Variants in KCNQ1OT1 observed in about 807,000 individuals in gnomAD.
KCNQ1OT1 encodes the protein KCNQ1 antisense RNA 2 (non-protein coding).
chr11:2,651,775 T>G lies in KCNQ1OT1; in HGVS notation n.48220A>C. ...TGGAAATTCCTCAAGTGTTGACCAT[T>G]TTGATTCCTGGGCCCCTTAAGAGTC... On this transcript the variant is annotated non_coding_transcript_exon_variant, in exon 1 of 1. Transcript: ENST00000597346. The surrounding 1 kb of genome is among the most constrained non-coding windows in gnomAD (Gnocchi z 6.1). 2.5e-6 allele frequency: 1 copy of G among 398,644 alleles called. No individual in the cohort carries two copies. Among genetic ancestry groups the G allele is most frequent in the Non-Finnish European group, 4.4e-6 (1 of 226,084 alleles). 24.7% of individuals were successfully genotyped at this position (398,644 alleles called of 1,614,324 possible). A position where few individuals can be genotyped will look rare whatever the true frequency, so the allele number is the denominator to read the frequency against.
chr11:2,608,875 C>T lies in KCNQ1OT1; in HGVS notation n.91120G>A, dbSNP rs1258731695. 1.3e-5 allele frequency: 5 copies of T among 398,228 alleles called. No homozygotes were observed. Among genetic ancestry groups the T allele is most frequent in the Non-Finnish European group, 1.8e-5 (4 of 226,014 alleles). The allele number at this position is 398,228 out of a possible 1,614,324, so 24.7% of individuals were successfully genotyped here. On this transcript the variant is annotated non_coding_transcript_exon_variant, in exon 1 of 1. Coordinates refer to ENST00000597346, the Ensembl canonical transcript of KCNQ1OT1. The surrounding 1 kb of genome is among the most constrained non-coding windows in gnomAD (Gnocchi z 4.6). ...TCTCTCTCCCCCTTTGCCTCATGCA[C>T]TTCCCTCTCTGTCTTTCCTCCTCCC...
chr11:2,676,250 A>G lies in KCNQ1OT1; in HGVS notation n.23745T>C. ...GATTTATTATGGTGCAGTACATCTG[A>G]GAAGCATTTTTATTGCAAAATGTGT... is the stretch of plus-strand genomic sequence containing the variant. On this transcript the variant is annotated non_coding_transcript_exon_variant, in exon 1 of 1. Transcript: ENST00000597346. The surrounding 1 kb of genome is among the most constrained non-coding windows in gnomAD (Gnocchi z 4.2). 1 of 398,654 alleles carries G rather than the reference A, an allele frequency of 2.5e-6. No individual in the cohort carries two copies. The highest frequency in any genetic ancestry group is 1.3e-4 in the South Asian group (1 of 7,860). The allele number at this position is 398,654 out of a possible 1,614,324, so 24.7% of individuals were successfully genotyped here.
chr11:2,682,956 C>A lies in KCNQ1OT1; in HGVS notation n.17039G>T. 1 of 398,550 alleles carries A rather than the reference C, an allele frequency of 2.5e-6. No homozygotes were observed. Among genetic ancestry groups the A allele is most frequent in the South Asian group, 1.3e-4 (1 of 7,834 alleles). 24.7% of individuals were successfully genotyped at this position (398,550 alleles called of 1,614,324 possible). A position where few individuals can be genotyped will look rare whatever the true frequency, so the allele number is the denominator to read the frequency against. ...CTGTGTGGAAGAAAGGACAGGAGTC[C>A]TTCTGCCACCCAGACTGTGCATTCA... On this transcript the variant is annotated non_coding_transcript_exon_variant, in exon 1 of 1. Transcript: ENST00000597346. This position sits in a 1 kb window ranked among gnomAD's most constrained non-coding sequence, Gnocchi z 5.8.
rs1189001016 is a variant in KCNQ1OT1 at position 2,690,187 on chromosome 11, G to A, written n.9808C>T. ...GATGTGGAAGGCTGGTCTCTCCAGA[G>A]ACTGGGCTAAACTCTGCTGTGTCAA... On this transcript the variant is annotated non_coding_transcript_exon_variant, in exon 1 of 1. Coordinates refer to ENST00000597346, the Ensembl canonical transcript of KCNQ1OT1. The surrounding 1 kb of genome is among the most constrained non-coding windows in gnomAD (Gnocchi z 5.1). 1 of 398,700 alleles carries A rather than the reference G, an allele frequency of 2.5e-6. No individual in the cohort carries two copies. Among genetic ancestry groups the A allele is most frequent in the Non-Finnish European group, 4.4e-6 (1 of 226,202 alleles). 24.7% of individuals were successfully genotyped at this position (398,700 alleles called of 1,614,324 possible).
At chr11:2,648,904 T>C (rs1849708776) in exon 1 of KCNQ1OT1, 1 of 398,274 alleles carries the variant, frequency 2.5e-6, no homozygotes, top group African/African-American at 2.1e-5. Flanking sequence ...TGGTTGCATA[T>C]ATAATTGTTA....
chr11:2,627,009 G>T lies in KCNQ1OT1; in HGVS notation n.72986C>A. Reference sequence around the variant, plus strand: ...TTACCTTGGATTTGTAGATTGTTTTGTGTGGTACTGACACCTTAACAATAT... The same window carrying T: ...TTACCTTGGATTTGTAGATTGTTTTTTGTGGTACTGACACCTTAACAATAT... On this transcript the variant is annotated non_coding_transcript_exon_variant, in exon 1 of 1. Transcript: ENST00000597346. The surrounding 1 kb of genome is among the most constrained non-coding windows in gnomAD (Gnocchi z 4.9). The T allele has an allele frequency of 2.5e-6, 1 of 398,534 alleles. No homozygotes were observed. The highest frequency in any genetic ancestry group is 4.4e-6 in the Non-Finnish European group (1 of 226,050). The allele number at this position is 398,534 out of a possible 1,614,324, so 24.7% of individuals were successfully genotyped here.
At chr11:2,644,439 A>G (rs1849634790) in exon 1 of KCNQ1OT1, 3 of 398,236 alleles carry the variant, frequency 7.5e-6, no homozygotes, top group East Asian at 3.6e-5. Flanking sequence ...TTCTTTTTAT[A>G]TCTATCTCTT....
chr11:2,615,809 T>C (rs766538623), exon 1 of KCNQ1OT1: 1 of 398,010 alleles, frequency 2.5e-6, no homozygotes, highest in Non-Finnish European at 4.4e-6. Context: ...ATAAAAGATT[T>C]TAGTATCTAG....
chr11:2,633,247 C>G lies in KCNQ1OT1; in HGVS notation n.66748G>C. Reference sequence around the variant, plus strand: ...AAATCAGATAATCTGGTGTTTTTTGCTGTTGAATTGTTTGAATTCCTTGTA... The same window carrying G: ...AAATCAGATAATCTGGTGTTTTTTGGTGTTGAATTGTTTGAATTCCTTGTA... On this transcript the variant is annotated non_coding_transcript_exon_variant, in exon 1 of 1. Coordinates refer to ENST00000597346, the Ensembl canonical transcript of KCNQ1OT1. 7.5e-6 allele frequency: 3 copies of G among 398,420 alleles called. No homozygotes were observed. The East Asian group carries it at 1.1e-4, about 14-fold the overall frequency. The allele number at this position is 398,420 out of a possible 1,614,324, so 24.7% of individuals were successfully genotyped here. A position where few individuals can be genotyped will look rare whatever the true frequency, so the allele number is the denominator to read the frequency against.
In KCNQ1OT1 at chr11:2,685,560, C is replaced by T. The variant is rs75643572; in HGVS notation, n.14435G>A. 23,269 of 398,652 alleles carry T rather than the reference C, an allele frequency of 0.058. 813 individuals are homozygous for T. Among genetic ancestry groups the T allele is most frequent in the Middle Eastern group, 0.099 (157 of 1,588 alleles). 24.7% of individuals were successfully genotyped at this position (398,652 alleles called of 1,614,324 possible). ...TGGGAGGATCTGCAGATGACTACAG[C>T]TCTTGGCCCTTCCATACAGCACATG... is the stretch of plus-strand genomic sequence containing the variant. On this transcript the variant is annotated non_coding_transcript_exon_variant, in exon 1 of 1. Coordinates refer to ENST00000597346, the Ensembl canonical transcript of KCNQ1OT1.
At chr11:2,686,038 G>T (rs146566065) in exon 1 of KCNQ1OT1, 39 of 399,244 alleles carry the variant, frequency 9.8e-5, no homozygotes, top group Non-Finnish European at 1.4e-4. Flanking sequence ...CCGCCAGCTC[G>T]CACCATCTGA....
Position 2,679,428 on chromosome 11 carries a change from G to C in KCNQ1OT1, n.20567C>G. The C allele has an allele frequency of 2.5e-6, 1 of 398,550 alleles. No homozygotes were observed. The highest frequency in any genetic ancestry group is 4.4e-6 in the Non-Finnish European group (1 of 226,058). The allele number at this position is 398,550 out of a possible 1,614,324, so 24.7% of individuals were successfully genotyped here. ...AATCATAAGAGTACCTTCCTCAGAG[G>C]GTTGTTAGGAGGATTACACAAATTA... On this transcript the variant is annotated non_coding_transcript_exon_variant, in exon 1 of 1. Transcript: ENST00000597346. This position sits in a 1 kb window ranked among gnomAD's most constrained non-coding sequence, Gnocchi z 4.8.
chr11:2,660,210 T>C (rs903583015), exon 1 of KCNQ1OT1: 6 of 398,284 alleles, frequency 1.5e-5, no homozygotes, highest in Non-Finnish European at 2.2e-5. Flanking sequence ...TAAGTTTGTA[T>C]GTAGTACCCT....
At chr11:2,643,458 T>C (rs373652219) in exon 1 of KCNQ1OT1, 2 of 398,354 alleles carry the variant, frequency 5.0e-6, no homozygotes, top group African/African-American at 4.1e-5. Context: ...TTTTATCTGA[T>C]GAAAGTATAG....
At chr11:2,616,769 A>G in exon 1 of KCNQ1OT1, 4 of 397,978 alleles carry the variant, frequency 1.0e-5, no homozygotes, top group Non-Finnish European at 1.8e-5. Flanking sequence ...TGATTTCTAT[A>G]TTTTAAAATT....
At chr11:2,643,288 G>T in exon 1 of KCNQ1OT1, 1 of 398,340 alleles carries the variant, frequency 2.5e-6, no homozygotes, top group South Asian at 1.3e-4. Flanking sequence ...TTGTGTTGAA[G>T]TCTACCTTTC....
Position 2,658,335 on chromosome 11 carries a change from T to C in KCNQ1OT1, n.41660A>G, listed in dbSNP as rs76615498. On this transcript the variant is annotated non_coding_transcript_exon_variant, in exon 1 of 1. Coordinates refer to ENST00000597346, the Ensembl canonical transcript of KCNQ1OT1. This position sits in a 1 kb window ranked among gnomAD's most constrained non-coding sequence, Gnocchi z 4.9. ...GATTTGTCCCTCTCCTCCAATTGTT[T>C]ATTTAATTTTATCAGTGTGGATTTG... 5,110 of 398,566 alleles carry C rather than the reference T, an allele frequency of 0.013. 160 individuals carry two copies. Among genetic ancestry groups the C allele is most frequent in the East Asian group, 0.08 (2,233 of 28,072 alleles). 24.7% of individuals were successfully genotyped at this position (398,566 alleles called of 1,614,324 possible). A position where few individuals can be genotyped will look rare whatever the true frequency, so the allele number is the denominator to read the frequency against.
In KCNQ1OT1 at chr11:2,654,631, A is replaced by C. The variant is rs1849810142; in HGVS notation, n.45364T>G. On this transcript the variant is annotated non_coding_transcript_exon_variant, in exon 1 of 1. Transcript: ENST00000597346. The surrounding 1 kb of genome is among the most constrained non-coding windows in gnomAD (Gnocchi z 6.4). ...TGAAGTTACTAGGAAGGGCCCAGAC[A>C]CTGGCGAGAGTCTCTTGAGGGCAGA... 2.5e-6 allele frequency: 1 copy of C among 398,792 alleles called. No homozygotes were observed. The highest frequency in any genetic ancestry group is 3.6e-5 in the East Asian group (1 of 28,068). The allele number at this position is 398,792 out of a possible 1,614,324, so 24.7% of individuals were successfully genotyped here.
Position 2,695,681 on chromosome 11 carries a change from AG to A in KCNQ1OT1, n.4313del. 1 of 398,660 alleles carries A rather than the reference AG, an allele frequency of 2.5e-6. No individual in the cohort carries two copies. Among genetic ancestry groups the A allele is most frequent in the Non-Finnish European group, 4.4e-6 (1 of 226,082 alleles). 24.7% of individuals were successfully genotyped at this position (398,660 alleles called of 1,614,324 possible). Reference sequence around the variant, plus strand: ...TTTATTTGAGGAAGAAGTGTTGGCCAGCTCTTCAGAACGTCTGTGCCTGTCT... The same window carrying A: ...TTTATTTGAGGAAGAAGTGTTGGCCACTCTTCAGAACGTCTGTGCCTGTCT... On this transcript the variant is annotated non_coding_transcript_exon_variant, in exon 1 of 1. Transcript: ENST00000597346. The surrounding 1 kb of genome is among the most constrained non-coding windows in gnomAD (Gnocchi z 5.2).
Sources: gnomAD v4.1 joint callset for allele counts on GRCh38, gnomAD v4.1.1 for gene constraint, Gnocchi (gnomAD v3.1) non-coding constraint, MANE v1.5 for transcripts, NCBI Gene and HGNC (gene_info 2026-07-23, HGNC 2026-07-21) for gene names.